COG5: variants seen among roughly 807,000 people sequenced by gnomAD.
COG5 encodes the protein component of oligomeric golgi complex 5.
In COG5, 86 loss-of-function variants were observed where a neutral mutation model predicts 110.4. That is an observed-to-expected ratio of 0.78 (90% CI 0.65 to 0.93). COG5 has a LOEUF of 0.93. Among genes scored for constraint, COG5 ranks in the 40% least tolerant of loss-of-function variants. COG5 has a pLI of 0.00. For missense variants in COG5, 1,077 were observed against 987.0 expected (o/e 1.09, Z -1.22); for synonymous variants, 360 against 334.6 (o/e 1.08, Z -0.83).
At chr7:107,251,073 T>C (rs1802466210) in intron 16 of COG5, among the ~76,000 whole-genome samples, 1 of 143,962 alleles carries the variant, frequency 6.9e-6, no homozygotes, top group Admixed American at 7.3e-5. Context: ...ATGAGAACTA[T>C]GCCTAGGCAC....
At chr7:107,377,603 A>C (rs1258020682) in intron 7 of COG5, among the ~76,000 whole-genome samples, 2 of 152,222 alleles carry the variant, frequency 1.3e-5, no homozygotes, top group Non-Finnish European at 2.9e-5. Flanking sequence ...CCAGACCTAG[A>C]TCAGCATCCA....
rs1802340443 is a variant in COG5, at chr7:107,249,701, TGTG to T, written c.1750-1205_1750-1203del. Among the ~76,000 whole-genome samples, 7 of 126,716 alleles carry T rather than the reference TGTG, an allele frequency of 5.5e-5. No individual in the cohort carries two copies. In the South Asian group the frequency reaches 1.5e-3, roughly 28 times the overall value. 83.1% of individuals were successfully genotyped at this position (126,716 alleles called of 152,430 possible). ...TACAACGTACAGGATTGTGTGTGTG[TGTG>T]TGTGTGTGTGTGTGTGTGTGTGTGT... On this transcript the variant is annotated intron_variant, in intron 16 of 21. Coordinates refer to ENST00000297135, the MANE Select transcript of COG5 (RefSeq NM_006348.5).
In COG5 at chr7:107,557,452, C is replaced by CA. The variant is rs1434453046; in HGVS notation, c.234+523dup. On this transcript the variant is annotated intron_variant, in intron 2 of 21. Transcript: ENST00000297135. Reference sequence around the variant, plus strand: ...CCAACCCATCTGATAGATTAAAAAACAAAAAAGCAAGACTCAAAGACTTTA... The same window carrying CA: ...CCAACCCATCTGATAGATTAAAAAACAAAAAAAGCAAGACTCAAAGACTTTA... Among the ~76,000 whole-genome samples, 5 of 152,118 alleles carry CA rather than the reference C, an allele frequency of 3.3e-5. No individual in the cohort carries two copies. In the East Asian group the frequency reaches 9.6e-4, roughly 29 times the overall value.
chr7:107,215,688 C>T (rs1200655459), intron 19 of COG5, among the ~76,000 whole-genome samples: 1 of 151,924 alleles, frequency 6.6e-6, no homozygotes, highest in African/African-American at 2.4e-5. Context: ...AACAAACAAA[C>T]CCAGCTATGT....
intron 19 of COG5, among the ~76,000 whole-genome samples, chr7:107,218,365 T>C (rs943657209): frequency 2.4e-4 from 37 of 152,242 alleles, no homozygotes; most frequent in African/African-American, 8.7e-4. Flanking sequence ...AAAATTCATA[T>C]GGAACCATAA....
intron 6 of COG5, among the ~76,000 whole-genome samples, chr7:107,522,700 C>T (rs779737832): frequency 2.0e-4 from 31 of 152,138 alleles, no homozygotes; most frequent in Admixed American, 1.6e-3. Context: ...ACATTTAGGA[C>T]ACGAATTCAT....
rs879055331 is a variant in COG5, at chr7:107,499,779, G to A, written c.538+27458C>T. Among the ~76,000 whole-genome samples the A allele has an allele frequency of 5.9e-5, 9 of 152,182 alleles. No individual in the cohort carries two copies. The South Asian group carries it at 8.3e-4, about 14-fold the overall frequency. ...GTCTGTTAATTCAGTGCAAATAGGC[G>A]AATAGTGTATCTCAATTTCAAAGTT... On this transcript the variant is annotated intron_variant, in intron 6 of 21. Coordinates refer to ENST00000297135, the MANE Select transcript of COG5 (RefSeq NM_006348.5).
At chr7:107,227,125 G>T (rs1001863595) in intron 19 of COG5, among the ~76,000 whole-genome samples, 1 of 152,172 alleles carries the variant, frequency 6.6e-6, no homozygotes, top group Non-Finnish European at 1.5e-5. Flanking sequence ...AGGGCCTCGT[G>T]AGAAATCTGA....
intron 7 of COG5, among the ~76,000 whole-genome samples, chr7:107,399,214 A>G (rs886783243): frequency 1.3e-5 from 2 of 152,062 alleles, no homozygotes; most frequent in Admixed American, 6.5e-5. Context: ...AAAAAAAGTT[A>G]AAATAAATAA....
At chr7:107,308,746 T>TA (rs1443186105) in intron 11 of COG5, among the ~76,000 whole-genome samples, 2 of 150,898 alleles carry the variant, frequency 1.3e-5, no homozygotes, top group Non-Finnish European at 3.0e-5. Context: ...CCATTACCAA[T>TA]AAAAAAAGTA....
chr7:107,368,431 A>G (rs1007062609), intron 8 of COG5, among the ~76,000 whole-genome samples: 8 of 152,164 alleles, frequency 5.3e-5, no homozygotes, highest in East Asian at 1.9e-4. Flanking sequence ...GAGGATGACA[A>G]TGGTTATATA....
At chr7:107,344,127 C>G (rs1018819324) in intron 10 of COG5, among the ~76,000 whole-genome samples, 2 of 152,172 alleles carry the variant, frequency 1.3e-5, no homozygotes, top group African/African-American at 4.8e-5. Context: ...CAGGTATGGA[C>G]TTCCGCTCTC....
chr7:107,491,730 TAC>T lies in COG5; in HGVS notation c.538+35505_538+35506del, dbSNP rs539556993. ...TCCAAATCACAAGGATTCCTCACAA[TAC>T]AATGTGAAACAAACATGATTTTGAA... On this transcript the variant is annotated intron_variant, in intron 6 of 21. Coordinates refer to ENST00000297135, the MANE Select transcript of COG5 (RefSeq NM_006348.5). Among the ~76,000 whole-genome samples the T allele has an allele frequency of 4.3e-3, 657 of 152,220 alleles. 2 individuals are homozygous for T. Among genetic ancestry groups the T allele is most frequent in the Non-Finnish European group, 7.0e-3 (475 of 67,996 alleles).
At chr7:107,318,196 T>C (rs1290658592) in intron 11 of COG5, among the ~76,000 whole-genome samples, 1 of 152,024 alleles carries the variant, frequency 6.6e-6, no homozygotes, top group Non-Finnish European at 1.5e-5. Flanking sequence ...CCCAGCTAAT[T>C]TTTTGTATTT....
chr7:107,289,218 T>C (rs1369678764), intron 12 of COG5, among the ~76,000 whole-genome samples: 2 of 151,932 alleles, frequency 1.3e-5, no homozygotes, highest in African/African-American at 2.4e-5. Flanking sequence ...CACCACTTCA[T>C]TATTTTGCAT....
chr7:107,258,246 T>C (rs1562937017), intron 15 of COG5, 27 bp downstream of exon 15: 1 of 1,357,712 alleles, frequency 7.4e-7, no homozygotes, highest in African/African-American at 1.4e-5. Flanking sequence ...TAAAATTAAG[T>C]AAAAAAAAAC....
chr7:107,416,210 T>C (rs1281214746), intron 6 of COG5, among the ~76,000 whole-genome samples: 1 of 151,906 alleles, frequency 6.6e-6, no homozygotes, highest in African/African-American at 2.4e-5. Context: ...ATGTTCATAG[T>C]AGCACTGTTA....
At chr7:107,561,482 G>A (rs137918087) in intron 1 of COG5, among the ~76,000 whole-genome samples, 18 of 152,262 alleles carry the variant, frequency 1.2e-4, no homozygotes, top group East Asian at 7.7e-4. Context: ...CCCATAAACC[G>A]CATGAGGAAA....
intron 6 of COG5, among the ~76,000 whole-genome samples, chr7:107,509,436 A>C (rs1799317951): frequency 6.6e-6 from 1 of 152,256 alleles, no homozygotes; most frequent in South Asian, 2.1e-4. Context: ...TGTACCTGAA[A>C]GTGATGGGGA....
Sources: allele counts gnomAD v4.1 joint callset (sites outside exome capture counted in the v4.1 genomes callset), GRCh38; gene constraint gnomAD v4.1.1; transcripts MANE v1.5; gene names NCBI Gene and HGNC (gene_info 2026-07-23, HGNC 2026-07-21).